Variants in ZNF385D observed in about 807,000 individuals in gnomAD.
ZNF385D encodes the protein zinc finger protein 659.
In ZNF385D, 15 loss-of-function variants were observed where a neutral mutation model predicts 35.8. The ratio of observed to expected loss-of-function variants is 0.42; its 90% CI spans 0.28 to 0.64. ZNF385D has a LOEUF of 0.64. Among genes scored for constraint, ZNF385D ranks in the 30% least tolerant of loss-of-function variants. The probability of loss-of-function intolerance (pLI) is 0.23; values close to 1 mark genes in which losing one functional copy is unlikely to be tolerated. For missense variants in ZNF385D, 474 were observed against 494.6 expected (o/e 0.96, Z 0.39); for synonymous variants, 212 against 186.8 (o/e 1.13, Z -1.10).
At position 21,421,361 on chromosome 3, in the gene ZNF385D, T is replaced by TGCTGCG. The variant is rs1331705080; in HGVS notation, c.1035_1040dup (p.Ala347_Ala348dup). The TGCTGCG allele has an allele frequency of 6.2e-6, 10 of 1,612,622 alleles. No individual in the cohort carries two copies. In the East Asian group the frequency reaches 2.2e-4, roughly 36 times the overall value. ...TGAAGGGGGAACTCACTGCCACTGC[T>TGCTGCG]GCTGCGGCTGCTGCAGCTGCTAGAG... On this transcript the variant is annotated inframe_insertion, in exon 8 of 8. Coordinates refer to ENST00000281523, the MANE Select transcript of ZNF385D (RefSeq NM_024697.3).
intron 4 of ZNF385D, among the ~76,000 whole-genome samples, chr3:21,507,332 G>T (rs1706848009): frequency 6.6e-6 from 1 of 151,838 alleles, no homozygotes; most frequent in Non-Finnish European, 1.5e-5. Context: ...TTTTTCAAAG[G>T]AATTAGTTTG....
intron 3 of ZNF385D, among the ~76,000 whole-genome samples, chr3:21,820,840 G>A (rs1231696493): frequency 6.6e-6 from 1 of 150,864 alleles, no homozygotes; most frequent in Admixed American, 6.6e-5. Flanking sequence ...AGAAGTCACC[G>A]AGACAGTAAA....
chr3:21,413,782 G>A lies in ZNF385D; in HGVS notation c.*7432C>T, dbSNP rs1700524956. ...ACATTAATGCCAAAGTTTTCAATAA[G>A]CTTGGTTGTCAAAAGAACACTGCCT... On this transcript the variant is annotated 3_prime_UTR_variant, in exon 8 of 8. Coordinates refer to ENST00000281523, the MANE Select transcript of ZNF385D (RefSeq NM_024697.3). The A allele has an allele frequency of 6.6e-6, 1 of 152,048 alleles. No homozygotes were observed. Among genetic ancestry groups the A allele is most frequent in the Non-Finnish European group, 1.5e-5 (1 of 67,964 alleles). 9.4% of individuals were successfully genotyped at this position (152,048 alleles called of 1,614,324 possible). A position where few individuals can be genotyped will look rare whatever the true frequency, so the allele number is the denominator to read the frequency against.
intron 3 of ZNF385D, among the ~76,000 whole-genome samples, chr3:22,073,738 T>A (rs1171363893): frequency 1.3e-5 from 2 of 151,990 alleles, no homozygotes; most frequent in African/African-American, 2.4e-5. Flanking sequence ...TATTAAGAAC[T>A]GTTTGCTGAA....
At chr3:22,026,185 G>C (rs1395194493) in intron 3 of ZNF385D, among the ~76,000 whole-genome samples, 1 of 152,064 alleles carries the variant, frequency 6.6e-6, no homozygotes, top group Non-Finnish European at 1.5e-5. Context: ...AAAAATTCTA[G>C]GTCAAATGGA....
At chr3:21,603,299 G>A (rs536002052) in intron 2 of ZNF385D, among the ~76,000 whole-genome samples, 9 of 152,304 alleles carry the variant, frequency 5.9e-5, no homozygotes, top group African/African-American at 1.9e-4. Flanking sequence ...ACATTAGTGC[G>A]ACAGTTCTGT....
intron 3 of ZNF385D, among the ~76,000 whole-genome samples, chr3:21,989,843 C>G (rs1695050332): frequency 6.6e-6 from 1 of 152,202 alleles, no homozygotes; most frequent in Non-Finnish European, 1.5e-5. Context: ...GCCACTTTCA[C>G]ATGTCTGTTG....
intron 4 of ZNF385D, among the ~76,000 whole-genome samples, chr3:21,492,427 A>C (rs1172268491): frequency 6.6e-6 from 1 of 151,854 alleles, no homozygotes; most frequent in East Asian, 1.9e-4. Context: ...GACCAAAAAA[A>C]AAAAAAAAAC....
At chr3:21,632,070 C>T (rs1012072609) in intron 2 of ZNF385D, among the ~76,000 whole-genome samples, 1 of 152,010 alleles carries the variant, frequency 6.6e-6, no homozygotes, top group Non-Finnish European at 1.5e-5. Flanking sequence ...GTGCGTCAGG[C>T]ACTATTCTAG....
At chr3:21,706,814 T>TGATAGATAGATAGATA (rs67457933) in intron 1 of ZNF385D, among the ~76,000 whole-genome samples, 85 of 150,328 alleles carry the variant, frequency 5.7e-4, no homozygotes, top group Admixed American at 1.4e-3. Context: ...AGATAATAGA[T>TGATAGATAGATAGATA]GATAGATAGA....
At chr3:22,067,624 G>A (rs946266860) in intron 3 of ZNF385D, among the ~76,000 whole-genome samples, 4 of 152,126 alleles carry the variant, frequency 2.6e-5, no homozygotes, top group African/African-American at 4.8e-5. Context: ...GCTGATGTAT[G>A]TTATTATACA....
At chr3:21,469,828 G>GA (rs1372656933) in intron 4 of ZNF385D, among the ~76,000 whole-genome samples, 72 of 152,038 alleles carry the variant, frequency 4.7e-4, no homozygotes, top group Middle Eastern at 3.4e-3. Context: ...AAGGCTTAAA[G>GA]GAAAAAAAAG....
chr3:21,716,939 T>C (rs924225539), intron 1 of ZNF385D, among the ~76,000 whole-genome samples: 1 of 151,896 alleles, frequency 6.6e-6, no homozygotes, highest in African/African-American at 2.4e-5. Flanking sequence ...CTGGCCAACA[T>C]GGTGAAACCC....
intron 3 of ZNF385D, among the ~76,000 whole-genome samples, chr3:22,107,573 T>A (rs957135320): frequency 2.0e-5 from 3 of 152,188 alleles, no homozygotes; most frequent in Non-Finnish European, 4.4e-5. Flanking sequence ...CTTTAGTGAC[T>A]ACAAATTACA....
chr3:22,020,084 A>T (rs998908263), intron 3 of ZNF385D, among the ~76,000 whole-genome samples: 1 of 151,888 alleles, frequency 6.6e-6, no homozygotes, highest in African/African-American at 2.4e-5. Flanking sequence ...TGTAAAACAA[A>T]TATTTTGGTT....
At chr3:21,614,746 G>A (rs1431200932) in intron 2 of ZNF385D, among the ~76,000 whole-genome samples, 5 of 152,232 alleles carry the variant, frequency 3.3e-5, no homozygotes, top group African/African-American at 4.8e-5. Context: ...ATGCCACCTC[G>A]CCCAGCTAAT....
intron 3 of ZNF385D, among the ~76,000 whole-genome samples, chr3:22,099,953 T>TA (rs1701841295): frequency 6.6e-6 from 1 of 151,916 alleles, no homozygotes; most frequent in African/African-American, 2.4e-5. Context: ...TGAGATATTT[T>TA]AAAAAATAAA....
chr3:21,908,604 G>C (rs1310359349), intron 3 of ZNF385D, among the ~76,000 whole-genome samples: 1 of 152,024 alleles, frequency 6.6e-6, no homozygotes, highest in African/African-American at 2.4e-5. Context: ...CAGTTAGGAA[G>C]GTTTTCACTA....
At chr3:21,440,228 ATAAT>A (rs1411456053) in intron 4 of ZNF385D, among the ~76,000 whole-genome samples, 2 of 152,142 alleles carry the variant, frequency 1.3e-5, no homozygotes, top group Non-Finnish European at 2.9e-5. Context: ...CCAGTTATAA[ATAAT>A]TATTGTCCAC....
Sources: gnomAD v4.1 joint callset for allele counts (sites outside exome capture counted in the v4.1 genomes callset) on GRCh38, gnomAD v4.1.1 for gene constraint, MANE v1.5 for transcripts, NCBI Gene and HGNC (gene_info 2026-07-23, HGNC 2026-07-21) for gene names.